Variants in GLT8D1 observed in about 807,000 individuals in gnomAD.
GLT8D1 encodes the protein glycosyltransferase 8 domain-containing protein 1.
A neutral mutation model predicts 46.2 loss-of-function variants in GLT8D1; 41 were observed. That is an observed-to-expected ratio of 0.89 (90% CI 0.69 to 1.15). GLT8D1 has a LOEUF of 1.15. Among genes scored for constraint, GLT8D1 ranks in the 50% most tolerant of loss-of-function variants. The pLI is 0.00. For synonymous variants in GLT8D1, 150 were observed against 154.2 expected (o/e 0.97, Z 0.20); for missense variants, 408 against 449.3 (o/e 0.91, Z 0.83).
chr3:52,700,230 T>G (rs1355873710), intron 3 of GLT8D1, 32 bp downstream of exon 3: 1 of 1,348,956 alleles, frequency 7.4e-7, no homozygotes, highest in East Asian at 2.3e-5. Context: ...CCGCAACAGA[T>G]TCTAAGGCAT....
In GLT8D1 at chr3:52,694,853, T is replaced by C. The variant is rs2154099907; in HGVS notation, c.1108A>G (p.Ile370Val). 8 of 1,607,130 alleles carry C rather than the reference T, an allele frequency of 5.0e-6. No homozygotes were observed. The highest frequency in any genetic ancestry group is 1.3e-5 in the African/African-American group (1 of 74,942). ...ACAGTTCAAATTCTGTTTCACTTTATGTTTGAGATCTCGGTATATCTTCGG... is the reference window on the plus strand; with the variant it reads ...ACAGTTCAAATTCTGTTTCACTTTACGTTTGAGATCTCGGTATATCTTCGG... ...LIRRYTEISN[I>V]K The change falls in exon 10 of 10, where the codon ATA becomes GTA. Residue 370 changes from isoleucine to valine, a missense_variant. Ile to Val is a conservative substitution (Grantham distance 29). Coordinates refer to ENST00000266014, the MANE Select transcript of GLT8D1 (RefSeq NM_018446.4).
intron 1 of GLT8D1, among the ~76,000 whole-genome samples, chr3:52,700,814 A>C (rs537161092): frequency 6.6e-6 from 1 of 152,338 alleles, no homozygotes; most frequent in East Asian, 1.9e-4. Flanking sequence ...CTATAATCCC[A>C]GCACTTTGGG....
At position 52,696,620 on chromosome 3, in the gene GLT8D1, G is replaced by A; in HGVS notation, c.369C>T (p.Tyr123=). Residue 123 remains tyrosine, a synonymous_variant, in exon 5 of 10, where the codon TAC becomes TAT. Transcript: ENST00000266014. The stretch of plus-strand genomic sequence containing the variant: ...GTTTAGGGTCAAAATTGACAATTTT[G>A]TATCTGATGCTTTTCAGGGAATCAC... ...LNSDSLKSIR[Y]KIVNFDPKLL... 1 of 1,609,508 alleles carries A rather than the reference G, an allele frequency of 6.2e-7. No individual in the cohort carries two copies. Among genetic ancestry groups the A allele is most frequent in the Non-Finnish European group, 8.5e-7 (1 of 1,175,834 alleles).
chr3:52,700,708 GT>G (rs2097338624), intron 1 of GLT8D1: 2 of 426,118 alleles, frequency 4.7e-6, no homozygotes, highest in African/African-American at 2.0e-5. Flanking sequence ...TTAAAAATAA[GT>G]TGGAGAAACA....
chr3:52,694,850 T>TTATG lies in GLT8D1; in HGVS notation c.1107_1110dup (p.Lys371HisfsTer29). On this transcript the variant is annotated frameshift_variant, in exon 10 of 10. Transcript: ENST00000266014. LOFTEE classifies it high-confidence loss of function. ...CTTACAGTTCAAATTCTGTTTCACT[T>TTATG]TATGTTTGAGATCTCGGTATATCTT... 1.2e-6 allele frequency: 2 copies of TTATG among 1,605,408 alleles called. No homozygotes were observed. Among genetic ancestry groups the TTATG allele is most frequent in the Non-Finnish European group, 1.7e-6 (2 of 1,172,050 alleles).
At chr3:52,703,838 A>G (rs1256803532) in intron 1 of GLT8D1, 1 of 152,170 alleles carries the variant, frequency 6.6e-6, no homozygotes, top group Non-Finnish European at 1.5e-5. Context: ...TCTAATCCAT[A>G]TTGTCTTTCC....
intron 1 of GLT8D1, chr3:52,705,066 T>TA (rs1445767221): frequency 6.6e-6 from 1 of 152,224 alleles, no homozygotes; most frequent in African/African-American, 2.4e-5. Flanking sequence ...CCAGAATACA[T>TA]AACCTGGGGG....
rs2097333869 is a variant in GLT8D1, at chr3:52,696,580, C to T, written c.409G>A (p.Val137Ile). 1.9e-6 allele frequency: 3 copies of T among 1,607,144 alleles called. No homozygotes were observed. Among genetic ancestry groups the T allele is most frequent in the African/African-American group, 2.7e-5 (2 of 74,772 alleles). Residue 137 changes from valine (V) to isoleucine (I), a missense_variant, in exon 5 of 10, where the codon GTA (valine) becomes ATA (isoleucine). By Grantham distance (29) the Val-to-Ile change is conservative. Transcript: ENST00000266014. ...NFDPKLLEGK[V>I]KEDPDQGESM... ...TCCCCCTGGTCAGGATCCTCCTTTA[C>T]TTTTCCTTCCAAAAGTTTAGGGTCA... is the stretch of plus-strand genomic sequence containing the variant.
rs767006628 is a variant in GLT8D1, at chr3:52,700,347, G to A, written c.30C>T (p.Ile10=). The A allele has an allele frequency of 2.5e-6, 4 of 1,612,862 alleles. No homozygotes were observed. The highest frequency in any genetic ancestry group is 2.2e-5 in the East Asian group (1 of 44,880). ...AGAAGAGAGCAACAGCCAGGACCAA[G>A]ATGATGATGTTTACTGAAATAGATA... MSFRKVNII[I]LVLAVALFLL... is the part of the protein sequence containing the mutation. The change falls in exon 3 of 10, where the codon ATC becomes ATT. Residue 10 remains isoleucine (I), a synonymous_variant. Transcript: ENST00000266014.
At chr3:52,702,136 A>T (rs1299087617) in intron 1 of GLT8D1, among the ~76,000 whole-genome samples, 1 of 152,238 alleles carries the variant, frequency 6.6e-6, no homozygotes, top group East Asian at 1.9e-4. Context: ...AGTAGCAGGG[A>T]CTACAGACAA....
At position 52,697,382 on chromosome 3, in the gene GLT8D1, G is replaced by A. The variant is rs1051191963; in HGVS notation, c.329+339C>T. On this transcript the variant is annotated intron_variant, in intron 4 of 9. Transcript: ENST00000266014. ...TCCCACTCTAGACCAGAACTGCTCC[G>A]AGCATGTCCATGAAATAAGGAACTT... 75 of 328,640 alleles carry A rather than the reference G, an allele frequency of 2.3e-4. No homozygotes were observed. The Admixed American group carries it at 2.9e-3, about 13-fold the overall frequency. The allele number at this position is 328,640 out of a possible 1,614,324, so 20.4% of individuals were successfully genotyped here.
chr3:52,702,191 C>T (rs1050199802), intron 1 of GLT8D1, among the ~76,000 whole-genome samples: 3 of 152,164 alleles, frequency 2.0e-5, no homozygotes, highest in Non-Finnish European at 4.4e-5. Context: ...GTGTGCCTAC[C>T]AGGCACTTAA....
intron 1 of GLT8D1, chr3:52,701,316 G>A (rs1042557867): frequency 1.3e-5 from 2 of 150,868 alleles, no homozygotes; most frequent in Non-Finnish European, 2.9e-5. Context: ...GATATCAAAA[G>A]TGTGGAGTAC....
intron 7 of GLT8D1, 31 bp from the exon 8 acceptor site, chr3:52,695,618 C>A (rs375945783): frequency 6.6e-5 from 84 of 1,282,144 alleles, no homozygotes; most frequent in Non-Finnish European, 8.1e-5. Context: ...TATGTACTTA[C>A]TGCTTCAAAC....
At chr3:52,702,481 G>A (rs1182880790) in intron 1 of GLT8D1, among the ~76,000 whole-genome samples, 1 of 152,124 alleles carries the variant, frequency 6.6e-6, no homozygotes, top group East Asian at 1.9e-4. Context: ...GGGAGGTCAA[G>A]GCTGCAGTAA....
At position 52,695,525 on chromosome 3, in the gene GLT8D1, G is replaced by A. The variant is rs774388473; in HGVS notation, c.708C>T (p.Ala236=). The A allele has an allele frequency of 6.2e-7, 1 of 1,610,588 alleles. No homozygotes were observed. The highest frequency in any genetic ancestry group is 2.2e-5 in the East Asian group (1 of 44,856). The part of the protein sequence containing the change: ...KERIRKLSMK[A]STCSFNPGVF... ...CTCCAGGATTAAATGAGCAAGTGCT[G>A]GCTTTCATGGAAAGCTTACGAATTC... is the stretch of plus-strand genomic sequence containing the variant. The change falls in exon 8 of 10, where the codon GCC becomes GCT. Residue 236 remains alanine (A), a synonymous_variant. Coordinates refer to ENST00000266014, the MANE Select transcript of GLT8D1 (RefSeq NM_018446.4).
At position 52,694,912 on chromosome 3, in the gene GLT8D1, T is replaced by C. The variant is rs371863449; in HGVS notation, c.1049A>G (p.Tyr350Cys). The change falls in exon 10 of 10, where the codon TAT becomes TGT. Residue 350 changes from tyrosine (Y) to cysteine (C), a missense_variant. By Grantham distance (194) the Tyr-to-Cys change is radical (BLOSUM62 -2). Coordinates refer to ENST00000266014, the MANE Select transcript of GLT8D1 (RefSeq NM_018446.4). ...GAATTTGCCTGTTGGGTCTGGAATA[T>C]ACCATTTTTCCCAAACATCAGTATA... ...ASYTDVWEKW[Y>C]IPDPTGKFNL... The C allele has an allele frequency of 6.2e-7, 1 of 1,611,332 alleles. No homozygotes were observed. Among genetic ancestry groups the C allele is most frequent in the Non-Finnish European group, 8.5e-7 (1 of 1,177,496 alleles).
intron 2 of GLT8D1, 21 bp from the exon 3 acceptor site, chr3:52,700,381 C>T (rs2097338280): frequency 6.3e-7 from 1 of 1,595,242 alleles, no homozygotes; most frequent in Admixed American, 1.7e-5. Flanking sequence ...TAGGGAAAAC[C>T]TATGTTATAC....
intron 3 of GLT8D1, among the ~76,000 whole-genome samples, chr3:52,698,251 G>T (rs978095345): frequency 2.0e-5 from 3 of 152,130 alleles, no homozygotes; most frequent in Admixed American, 6.5e-5. Flanking sequence ...TCAAAAGAAA[G>T]AATTTTATTT....
Sources: gnomAD v4.1 joint callset for allele counts (sites outside exome capture counted in the v4.1 genomes callset) on GRCh38, gnomAD v4.1.1 for gene constraint, MANE v1.5 for transcripts, NCBI Gene and HGNC (gene_info 2026-07-23, HGNC 2026-07-21) for gene names.